Variants in IGFBP7 observed in about 807,000 individuals in gnomAD.
The protein encoded by IGFBP7 is insulin like growth factor binding protein 7.
In IGFBP7, 31 loss-of-function variants were observed where a neutral mutation model predicts 29.4. The ratio of observed to expected loss-of-function variants is 1.05; its 90% confidence interval spans 0.79 to 1.42. The LOEUF (loss-of-function observed/expected upper bound fraction) is 1.42, where lower values mean the gene tolerates loss of function less well. Among genes scored for constraint, IGFBP7 ranks in the 40% most tolerant of loss-of-function variants. The pLI, the probability that IGFBP7 is intolerant of heterozygous loss-of-function variation, is 0.00. For missense variants in IGFBP7, 393 were observed against 395.5 expected (o/e 0.99, Z 0.05); for synonymous variants, 172 against 174.9 (o/e 0.98, Z 0.13).
intron 1 of IGFBP7, among the ~76,000 whole-genome samples, chr4:57,082,950 A>C (rs1213042606): frequency 6.6e-6 from 1 of 152,136 alleles, no homozygotes; most frequent in African/African-American, 2.4e-5. Context: ...TTTTTCAGTG[A>C]ACAATCCATG....
intron 1 of IGFBP7, among the ~76,000 whole-genome samples, chr4:57,096,726 TACTC>T (rs1725771643): frequency 6.6e-6 from 1 of 152,350 alleles, no homozygotes; most frequent in Admixed American, 6.5e-5. Context: ...TTCATTTCTT[TACTC>T]GTCAACACAC....
chr4:57,098,709 T>C (rs746909631), intron 1 of IGFBP7, among the ~76,000 whole-genome samples: 3 of 152,200 alleles, frequency 2.0e-5, no homozygotes, highest in Non-Finnish European at 4.4e-5. Context: ...CATGGGACTC[T>C]CATCTCCCCT....
At chr4:57,083,281 G>T (rs1725416646) in intron 1 of IGFBP7, among the ~76,000 whole-genome samples, 1 of 152,156 alleles carries the variant, frequency 6.6e-6, no homozygotes, top group Admixed American at 6.6e-5. Flanking sequence ...GTGCAGGAAG[G>T]TCCCCATTTC....
chr4:57,087,842 A>G (rs1725533535), intron 1 of IGFBP7, among the ~76,000 whole-genome samples: 1 of 152,258 alleles, frequency 6.6e-6, no homozygotes, highest in African/African-American at 2.4e-5. Context: ...CAATGTGCCA[A>G]TGATCACTGT....
chr4:57,041,755 T>G (rs1724231613), intron 1 of IGFBP7, among the ~76,000 whole-genome samples: 1 of 152,040 alleles, frequency 6.6e-6, no homozygotes. Context: ...CCCAGGCTGG[T>G]CCCGAATTCC....
At chr4:57,031,440 A>G in intron 4 of IGFBP7, 104 bp from the exon 5 acceptor site, 1 of 817,432 alleles carries the variant, frequency 1.2e-6, no homozygotes, top group Non-Finnish European at 2.1e-6. Context: ...AAGATGTTAA[A>G]ATATGGGGAT....
At position 57,110,244 on chromosome 4, in the gene IGFBP7, C is replaced by A; in HGVS notation, c.108G>T (p.Glu36Asp). The A allele has an allele frequency of 7.2e-7, 1 of 1,391,968 alleles. No homozygotes were observed. The highest frequency in any genetic ancestry group is 1.6e-5 in the South Asian group (1 of 62,552). The allele number at this position is 1,391,968 out of a possible 1,614,324, so 86.2% of individuals were successfully genotyped here. A position where few individuals can be genotyped will look rare whatever the true frequency, so the allele number is the denominator to read the frequency against. Residue 36 changes from glutamate to aspartate, a missense_variant, in exon 1 of 5, where the codon GAG becomes GAT. By Grantham distance (45) the Glu-to-Asp change is conservative. Coordinates refer to ENST00000295666, the MANE Select transcript of IGFBP7 (RefSeq NM_001553.3). ...SSSSDTCGPC[E>D]PASCPPLPPL... ...GGGGCAGGGGCGGGCAGGAGGCCGG[C>A]TCGCAGGGGCCGCAGGTGTCCGAAG...
At chr4:57,037,271 T>C (rs1724104675) in intron 2 of IGFBP7, among the ~76,000 whole-genome samples, 1 of 152,132 alleles carries the variant, frequency 6.6e-6, no homozygotes, top group South Asian at 2.1e-4. Flanking sequence ...AGCATCACAG[T>C]TGGGTTTTGC....
chr4:57,040,283 C>A (rs1383854591), intron 2 of IGFBP7, among the ~76,000 whole-genome samples: 1 of 152,050 alleles, frequency 6.6e-6, no homozygotes, highest in Non-Finnish European at 1.5e-5. Context: ...GCTTTGTGTC[C>A]TTTTACCTTC....
At chr4:57,071,038 C>A (rs146349794) in intron 1 of IGFBP7, among the ~76,000 whole-genome samples, 2 of 152,176 alleles carry the variant, frequency 1.3e-5, no homozygotes, top group African/African-American at 4.8e-5. Flanking sequence ...CCTGGCCCTG[C>A]AAGTTACTGA....
chr4:57,090,712 G>A (rs1000839360), intron 1 of IGFBP7, among the ~76,000 whole-genome samples: 1 of 152,034 alleles, frequency 6.6e-6, no homozygotes, highest in African/African-American at 2.4e-5. Flanking sequence ...GCCAGGTGTG[G>A]TGGTGCACGC....
At chr4:57,043,536 A>C (rs1338819602) in intron 1 of IGFBP7, among the ~76,000 whole-genome samples, 3 of 152,182 alleles carry the variant, frequency 2.0e-5, no homozygotes, top group African/African-American at 7.2e-5. Flanking sequence ...AAAGGAAATG[A>C]CCCCAGTGTG....
At chr4:57,061,614 A>G (rs779977020) in intron 1 of IGFBP7, among the ~76,000 whole-genome samples, 4 of 152,172 alleles carry the variant, frequency 2.6e-5, no homozygotes, top group Non-Finnish European at 5.9e-5. Context: ...GCCTGGACAG[A>G]GCTGGATGGG....
chr4:57,085,026 C>T (rs1001223079), intron 1 of IGFBP7, among the ~76,000 whole-genome samples: 3 of 151,856 alleles, frequency 2.0e-5, no homozygotes, highest in Admixed American at 6.6e-5. Context: ...TGGGATCAAG[C>T]GATCCACCCA....
At chr4:57,061,014 G>A (rs1724784470) in intron 1 of IGFBP7, among the ~76,000 whole-genome samples, 1 of 151,880 alleles carries the variant, frequency 6.6e-6, no homozygotes, top group East Asian at 1.9e-4. Flanking sequence ...CCTGTGAATA[G>A]CCACTGGATT....
intron 1 of IGFBP7, among the ~76,000 whole-genome samples, chr4:57,052,867 A>G (rs1449542739): frequency 1.3e-5 from 2 of 152,190 alleles, no homozygotes; most frequent in Non-Finnish European, 2.9e-5. Context: ...TAGTACTCAA[A>G]TATCTCACTA....
chr4:57,110,039 G>T lies in IGFBP7; in HGVS notation c.313C>A (p.Pro105Thr). The change falls in exon 1 of 5, where the codon CCG (proline) becomes ACG (threonine). Residue 105 changes from proline (P) to threonine (T), a missense_variant. Pro to Thr is a conservative substitution (Grantham distance 38). Transcript: ENST00000295666. ...KGKAGAAAGG[P>T]GVSGVCVCKS... Reference sequence around the variant, plus strand: ...CACACGCACACGCCGCTTACACCCGGACCGCCGGCTGCTGCCCCGGCTTTA... The same window carrying T: ...CACACGCACACGCCGCTTACACCCGTACCGCCGGCTGCTGCCCCGGCTTTA... 1.9e-6 allele frequency: 3 copies of T among 1,558,900 alleles called. No homozygotes were observed. Among genetic ancestry groups the T allele is most frequent in the Admixed American group, 1.8e-5 (1 of 54,228 alleles).
At chr4:57,049,198 C>T (rs985382880) in intron 1 of IGFBP7, among the ~76,000 whole-genome samples, 1 of 150,744 alleles carries the variant, frequency 6.6e-6, no homozygotes, top group African/African-American at 2.5e-5. Context: ...ATTTTTTTTT[C>T]ATCTGAAAGA....
chr4:57,050,645 A>G (rs1218786178), intron 1 of IGFBP7, among the ~76,000 whole-genome samples: 1 of 151,914 alleles, frequency 6.6e-6, no homozygotes, highest in East Asian at 1.9e-4. Context: ...TCCTAGTCTC[A>G]TGGGTCCTTC....
Sources: gnomAD v4.1 joint callset for allele counts (sites outside exome capture counted in the v4.1 genomes callset) on GRCh38, gnomAD v4.1.1 for gene constraint, MANE v1.5 for transcripts, NCBI Gene and HGNC (gene_info 2026-07-23, HGNC 2026-07-21) for gene names.